The following CDKAL1 variants were observed in gnomAD, a reference collection of about 807,000 sequenced individuals.
CDKAL1 encodes threonylcarbamoyladenosine tRNA methylthiotransferase.
A neutral mutation model predicts 68.2 loss-of-function variants in CDKAL1; 32 were observed. The ratio of observed to expected loss-of-function variants is 0.47; its 90% CI spans 0.35 to 0.63. The LOEUF (loss-of-function observed/expected upper bound fraction) is 0.63. CDKAL1 is among the 30% of genes least tolerant of loss of function. The pLI, the probability that CDKAL1 is intolerant of heterozygous loss-of-function variation, is 0.00. For synonymous variants in CDKAL1, 234 were observed against 244.3 expected (o/e 0.96, Z 0.39); for missense variants, 606 against 696.7 (o/e 0.87, Z 1.47).
intron 5 of CDKAL1, among the ~76,000 whole-genome samples, chr6:20,724,930 C>A (rs189238734): frequency 1.2e-4 from 18 of 152,156 alleles, no homozygotes; most frequent in African/African-American, 4.1e-4. Context: ...TTCTTCCTTC[C>A]CTACCCCAGA....
At chr6:20,676,703 A>T (rs957015912) in intron 5 of CDKAL1, among the ~76,000 whole-genome samples, 1 of 137,338 alleles carries the variant, frequency 7.3e-6, no homozygotes, top group Non-Finnish European at 1.5e-5. Flanking sequence ...ATAAATAAAT[A>T]AAATAAAATA....
At chr6:20,802,845 T>A (rs1776424891) in intron 8 of CDKAL1, among the ~76,000 whole-genome samples, 1 of 152,216 alleles carries the variant, frequency 6.6e-6, no homozygotes, top group Non-Finnish European at 1.5e-5. Context: ...CTTAGATTAC[T>A]CTGTGTCTGC....
chr6:21,179,313 G>A (rs1457628098), intron 13 of CDKAL1, among the ~76,000 whole-genome samples: 1 of 152,206 alleles, frequency 6.6e-6, no homozygotes, highest in African/African-American at 2.4e-5. Context: ...TATCATTACA[G>A]GGTTTACTTG....
At chr6:20,936,241 ATTTTTTTTTTTTTTTT>A (rs33911838) in intron 9 of CDKAL1, among the ~76,000 whole-genome samples, 1 of 68,800 alleles carries the variant, frequency 1.5e-5, no homozygotes, top group African/African-American at 6.1e-5. Context: ...GTGTCTCATA[ATTTTTTTTTTTTTTTT>A]TTTTTTTTTT....
intron 11 of CDKAL1, among the ~76,000 whole-genome samples, chr6:21,033,473 G>A (rs1349775058): frequency 6.6e-6 from 1 of 152,102 alleles, no homozygotes; most frequent in Non-Finnish European, 1.5e-5. Flanking sequence ...AACCTTAGAA[G>A]GGAGAGAGTA....
rs11361870 is a variant in CDKAL1 at position 20,946,593 on chromosome 6, C to CT, written c.743-8805dup. Among the ~76,000 whole-genome samples the CT allele has an allele frequency of 4.2e-3, 383 of 91,184 alleles. 4 individuals carry two copies. Among genetic ancestry groups the CT allele is most frequent in the African/African-American group, 8.2e-3 (200 of 24,528 alleles). 59.8% of individuals were successfully genotyped at this position (91,184 alleles called of 152,430 possible). A position where few individuals can be genotyped will look rare whatever the true frequency, so the allele number is the denominator to read the frequency against. Reference sequence around the variant, plus strand: ...TGTAATCCAGTACCACAATCCATACCTTTTTTTTTTTTTTTTTTTTTGAGA... The same window carrying CT: ...TGTAATCCAGTACCACAATCCATACCTTTTTTTTTTTTTTTTTTTTTTGAGA... On this transcript the variant is annotated intron_variant, in intron 9 of 15. Coordinates refer to ENST00000274695, the MANE Select transcript of CDKAL1 (RefSeq NM_017774.3).
intron 7 of CDKAL1, among the ~76,000 whole-genome samples, chr6:20,763,903 A>G (rs1016359783): frequency 4.6e-5 from 7 of 152,188 alleles, no homozygotes; most frequent in African/African-American, 7.2e-5. Context: ...GCTTCAGGAT[A>G]TATGAAATTA....
At chr6:20,770,054 A>C (rs893407914) in intron 7 of CDKAL1, among the ~76,000 whole-genome samples, 2 of 151,378 alleles carry the variant, frequency 1.3e-5, no homozygotes, top group Non-Finnish European at 2.9e-5. Flanking sequence ...TTGTTCCTTC[A>C]TGTGTCTTGT....
chr6:20,881,130 G>C (rs1483315002), intron 9 of CDKAL1, among the ~76,000 whole-genome samples: 10 of 152,286 alleles, frequency 6.6e-5, no homozygotes, highest in East Asian at 5.8e-4. Context: ...TTGGCATCTT[G>C]GTTCTCAAAC....
At chr6:21,223,087 G>A (rs546590805) in intron 15 of CDKAL1, among the ~76,000 whole-genome samples, 185 of 152,192 alleles carry the variant, frequency 1.2e-3, no homozygotes, top group Middle Eastern at 3.4e-3. Context: ...GCCTCTGTAG[G>A]GAAACTCAAA....
At chr6:20,853,844 G>A (rs546284656) in intron 9 of CDKAL1, among the ~76,000 whole-genome samples, 1 of 152,286 alleles carries the variant, frequency 6.6e-6, no homozygotes, top group African/African-American at 2.4e-5. Flanking sequence ...TAGTGAGAAG[G>A]AGTCTGAGGA....
At chr6:21,122,803 G>GTTTT (rs66935416) in intron 13 of CDKAL1, among the ~76,000 whole-genome samples, 4 of 105,800 alleles carry the variant, frequency 3.8e-5, no homozygotes, top group South Asian at 3.3e-4. Context: ...CCCCAGTTAG[G>GTTTT]TTTTTTTTTT....
chr6:20,706,381 T>G, intron 5 of CDKAL1, among the ~76,000 whole-genome samples: 1 of 152,176 alleles, frequency 6.6e-6, no homozygotes, highest in East Asian at 1.9e-4. Flanking sequence ...CCGCCAACCC[T>G]TTGGTGAATT....
At chr6:21,121,016 T>C (rs1343547243) in intron 13 of CDKAL1, among the ~76,000 whole-genome samples, 2 of 152,128 alleles carry the variant, frequency 1.3e-5, no homozygotes, top group Admixed American at 6.5e-5. Context: ...TATTAAATCA[T>C]GATAGATATT....
chr6:21,027,405 C>A (rs1321923523), intron 11 of CDKAL1, among the ~76,000 whole-genome samples: 1 of 152,160 alleles, frequency 6.6e-6, no homozygotes, highest in African/African-American at 2.4e-5. Context: ...ATTCTTCCTG[C>A]CTAAGAAGTT....
chr6:20,608,861 A>G (rs2127719555), intron 4 of CDKAL1, among the ~76,000 whole-genome samples: 1 of 152,252 alleles, frequency 6.6e-6, no homozygotes, highest in Non-Finnish European at 1.5e-5. Context: ...AGGCTCTCAA[A>G]CTATTGGTGT....
intron 15 of CDKAL1, among the ~76,000 whole-genome samples, chr6:21,205,460 C>T (rs536971477): frequency 5.2e-4 from 78 of 150,338 alleles, no homozygotes; most frequent in African/African-American, 1.8e-3. Context: ...CACACCAACA[C>T]TTATTTTCTC....
intron 13 of CDKAL1, among the ~76,000 whole-genome samples, chr6:21,160,379 C>G (rs1210252795): frequency 2.0e-5 from 3 of 151,632 alleles, no homozygotes; most frequent in Admixed American, 1.3e-4. Flanking sequence ...CTCACTGCAA[C>G]CTCTGCCTCC....
intron 6 of CDKAL1, among the ~76,000 whole-genome samples, chr6:20,740,057 GCCTA>G (rs1340147237): frequency 6.6e-6 from 1 of 152,098 alleles, no homozygotes; most frequent in East Asian, 1.9e-4. Flanking sequence ...AGCCTTCTCT[GCCTA>G]CTCCGTGTAG....
Sources: gnomAD v4.1 joint callset for allele counts (sites outside exome capture counted in the v4.1 genomes callset) on GRCh38, gnomAD v4.1.1 for gene constraint, MANE v1.5 for transcripts, NCBI Gene and HGNC (gene_info 2026-07-23, HGNC 2026-07-21) for gene names.